MDN1: variants seen among roughly 807,000 people sequenced by gnomAD.
The protein encoded by MDN1 is midasin AAA ATPase 1.
MDN1 carries 266 observed loss-of-function variants against 669.2 expected under a neutral mutation model. The observed-to-expected ratio is 0.40, with a 90% CI of 0.36 to 0.44. MDN1 has a LOEUF of 0.44. Ranked by LOEUF, MDN1 falls within the 20% of genes least tolerant of loss-of-function variation. The probability of loss-of-function intolerance (pLI) is 1.00; values close to 1 mark genes in which losing one functional copy is unlikely to be tolerated. For missense variants in MDN1, 5,940 were observed against 6,754.0 expected, an observed-to-expected ratio of 0.88 and a Z score of 4.22; for synonymous variants, 2,385 against 2,457.1, an observed-to-expected ratio of 0.97 and a Z score of 0.87.
At chr6:89,749,390 A>T in intron 25 of MDN1, 21 bp from the exon 26 acceptor site, 1 of 1,611,646 alleles carries the variant, frequency 6.2e-7, no homozygotes, top group Non-Finnish European at 8.5e-7. Flanking sequence ...CACAGGAAGA[A>T]TGCAGTAAAA....
intron 5 of MDN1, among the ~76,000 whole-genome samples, 198 bp from the exon 6 acceptor site, chr6:89,790,599 G>A (rs1170661022): frequency 6.6e-6 from 1 of 152,180 alleles, no homozygotes; most frequent in African/African-American, 2.4e-5. Flanking sequence ...CTCAGCTACT[G>A]GAAGTGCTGA....
chr6:89,650,916 A>AG, intron 95 of MDN1, 69 bp from the exon 96 acceptor site: 2 of 1,278,232 alleles, frequency 1.6e-6, no homozygotes, highest in East Asian at 4.7e-5. Flanking sequence ...AGCAAGATGC[A>AG]GGCTTTAAGC....
intron 1 of MDN1, among the ~76,000 whole-genome samples, chr6:89,806,407 T>A (rs1453399647): frequency 1.3e-5 from 2 of 151,904 alleles, no homozygotes; most frequent in Non-Finnish European, 2.9e-5. Context: ...TTCAAAAAAA[T>A]AAAAATAAAT....
At chr6:89,731,664 A>G (rs1815602891) in intron 34 of MDN1, among the ~76,000 whole-genome samples, 1 of 152,068 alleles carries the variant, frequency 6.6e-6, no homozygotes, top group Non-Finnish European at 1.5e-5. Flanking sequence ...ATGCATGAGG[A>G]GCTTAAAACC....
At chr6:89,747,893 A>G (rs1816745310) in intron 26 of MDN1, among the ~76,000 whole-genome samples, 1 of 102,254 alleles carries the variant, frequency 9.8e-6, no homozygotes, top group African/African-American at 3.9e-5. Context: ...TCCGTCTCAA[A>G]AAAAAAAAAA....
intron 51 of MDN1, 124 bp downstream of exon 51, chr6:89,708,372 C>A: frequency 4.1e-6 from 5 of 1,212,902 alleles, no homozygotes; most frequent in Non-Finnish European, 5.8e-6. Flanking sequence ...TCATGTCCAA[C>A]ACCCCACAAC....
rs762035179 is a variant in MDN1, at chr6:89,672,315, T to C, written c.13679A>G (p.Asp4560Gly). The change falls in exon 82 of 102, where the codon GAT (aspartate) becomes GGT (glycine). Residue 4560 changes from aspartate to glycine, a missense_variant. By Grantham distance (94) the Asp-to-Gly change is moderately conservative. Transcript: ENST00000369393. ...QSGHLTKLLE[D>G]DFWADVSTLH... is the part of the protein sequence containing the mutation. ...AGTGCTCACATCGGCCCAGAAGTCA[T>C]CCTCTAAGAGTTTTGTTAGATGTCC... is the stretch of plus-strand genomic sequence containing the variant. 6.2e-7 allele frequency: 1 copy of C among 1,613,072 alleles called. No homozygotes were observed. Among genetic ancestry groups the C allele is most frequent in the South Asian group, 1.1e-5 (1 of 90,728 alleles).
chr6:89,685,719 CTT>C lies in MDN1; in HGVS notation c.11719+106_11719+107del. ...TCGCATTAAACATAACTAAATGTGT[CTT>C]GTTTAAAACCTAGCGTGCAACAAGG... On this transcript the variant is annotated intron_variant, in intron 70 of 101. Coordinates refer to ENST00000369393, the MANE Select transcript of MDN1 (RefSeq NM_014611.3). 5 of 1,190,788 alleles carry C rather than the reference CTT, an allele frequency of 4.2e-6. No homozygotes were observed. In the South Asian group the frequency reaches 6.2e-5, roughly 15 times the overall value. The allele number at this position is 1,190,788 out of a possible 1,614,324, so 73.8% of individuals were successfully genotyped here.
intron 23 of MDN1, 167 bp downstream of exon 23, chr6:89,751,264 A>T: frequency 2.4e-6 from 2 of 825,300 alleles, no homozygotes. Context: ...AACTAGAAAC[A>T]AAGTTTTCTA....
intron 99 of MDN1, 146 bp from the exon 100 acceptor site, chr6:89,646,749 C>T (rs1214718769): frequency 3.1e-6 from 2 of 652,412 alleles, no homozygotes; most frequent in Non-Finnish European, 5.4e-6. Context: ...TCCCTTCTGG[C>T]CGTATGTAGT....
intron 25 of MDN1, 44 bp downstream of exon 25, chr6:89,749,499 C>A (rs769937059): frequency 6.2e-7 from 1 of 1,604,528 alleles, no homozygotes; most frequent in Admixed American, 1.7e-5. Flanking sequence ...AATCTACTAT[C>A]TGATGTGTTA....
intron 1 of MDN1, among the ~76,000 whole-genome samples, chr6:89,810,722 G>A (rs1229914333): frequency 6.6e-6 from 1 of 152,016 alleles, no homozygotes; most frequent in Non-Finnish European, 1.5e-5. Context: ...ATTGTGCTGG[G>A]TGTGGTGGCT....
chr6:89,703,576 A>G (rs893602578), intron 53 of MDN1, among the ~76,000 whole-genome samples: 2 of 152,138 alleles, frequency 1.3e-5, no homozygotes, highest in Admixed American at 6.5e-5. Flanking sequence ...AGTCAAAGCT[A>G]TTTTCATAAT....
intron 72 of MDN1, 84 bp downstream of exon 72, chr6:89,683,747 G>T (rs1461581088): frequency 3.0e-6 from 3 of 993,322 alleles, no homozygotes; most frequent in South Asian, 2.7e-5. Flanking sequence ...ATTAAGTTAG[G>T]TTATGGTAAC....
At chr6:89,719,578 T>C (rs987908300) in intron 40 of MDN1, among the ~76,000 whole-genome samples, 12 of 152,304 alleles carry the variant, frequency 7.9e-5, no homozygotes, top group Non-Finnish European at 1.5e-4. Flanking sequence ...AAAAAGAGGA[T>C]AGAACAGTAA....
At chr6:89,676,770 G>A (rs1811222069) in intron 76 of MDN1, among the ~76,000 whole-genome samples, 1 of 152,092 alleles carries the variant, frequency 6.6e-6, no homozygotes, top group African/African-American at 2.4e-5. Context: ...AAAGCCCTGG[G>A]AGCAAATAAA....
In MDN1 at chr6:89,743,135, C is replaced by T. The variant is rs1187735634; in HGVS notation, c.4448+15G>A. 1.2e-6 allele frequency: 2 copies of T among 1,610,502 alleles called. No individual in the cohort carries two copies. Among genetic ancestry groups the T allele is most frequent in the South Asian group, 2.2e-5 (2 of 89,882 alleles). The stretch of plus-strand genomic sequence containing the variant: ...CAAAAATATCAAACACAAGGCAAAC[C>T]TCTCAGGCACGTACCTGTTGAGTCT... On this transcript the variant is annotated intron_variant, in intron 31 of 101. Coordinates refer to ENST00000369393, the MANE Select transcript of MDN1 (RefSeq NM_014611.3).
Position 89,652,299 on chromosome 6 carries a change from T to C in MDN1, c.15826-18A>G, listed in dbSNP as rs781346038. On this transcript the variant is annotated intron_variant, in intron 94 of 101. Transcript: ENST00000369393. Reference sequence around the variant, plus strand: ...AAAAAGGGCTAAAAAGAAAAAGCCATAGATAAGAGGTGGCCCAGGTTGGAA... The same window carrying C: ...AAAAAGGGCTAAAAAGAAAAAGCCACAGATAAGAGGTGGCCCAGGTTGGAA... 2 of 1,608,416 alleles carry C rather than the reference T, an allele frequency of 1.2e-6. No individual in the cohort carries two copies. The highest frequency in any genetic ancestry group is 2.2e-5 in the South Asian group (2 of 90,740).
chr6:89,677,514 C>T (rs6454769), intron 76 of MDN1, 56 bp downstream of exon 76: 1,286,307 of 1,602,504 alleles, frequency 0.8, 517,784 homozygotes, highest in East Asian at 0.97. Context: ...ACAAGGAGTT[C>T]TAAATTACTT....
Sources: allele counts gnomAD v4.1 joint callset (sites outside exome capture counted in the v4.1 genomes callset), GRCh38; gene constraint gnomAD v4.1.1; transcripts MANE v1.5; gene names NCBI Gene and HGNC (gene_info 2026-07-23, HGNC 2026-07-21).